Variants in ADGRB3 observed in about 807,000 individuals in gnomAD.
ADGRB3 encodes brain-specific angiogenesis inhibitor 3.
Under a neutral mutation model 193.4 loss-of-function variants are expected in ADGRB3, and 37 were observed. The observed-to-expected ratio is 0.19, with a 90% CI of 0.15 to 0.25. ADGRB3 has a LOEUF of 0.25. ADGRB3 is among the 10% of genes least tolerant of loss of function. The probability of loss-of-function intolerance (pLI) is 1.00; values close to 1 mark genes in which losing one functional copy is unlikely to be tolerated. For missense variants in ADGRB3, 1,637 were observed against 1,852.9 expected, an observed-to-expected ratio of 0.88 and a Z score of 2.14; for synonymous variants, 690 against 644.2, an observed-to-expected ratio of 1.07 and a Z score of -1.08.
At chr6:69,344,419 A>G (rs1327526976) in intron 26 of ADGRB3, among the ~76,000 whole-genome samples, 2 of 152,142 alleles carry the variant, frequency 1.3e-5, no homozygotes, top group South Asian at 2.1e-4. Flanking sequence ...CCTATTTCCT[A>G]TTTAGTCTTA....
intron 10 of ADGRB3, among the ~76,000 whole-genome samples, chr6:68,983,825 TTAAAA>T (rs1313268926): frequency 6.6e-6 from 1 of 152,032 alleles, no homozygotes; most frequent in African/African-American, 2.4e-5. Flanking sequence ...CGACTTCAGA[TTAAAA>T]TAAAATAAAA....
intron 3 of ADGRB3, among the ~76,000 whole-genome samples, chr6:68,785,759 T>G (rs1437630339): frequency 6.6e-6 from 1 of 152,132 alleles, no homozygotes; most frequent in African/African-American, 2.4e-5. Context: ...TTGAAATGGT[T>G]TACAGTCCCA....
At chr6:68,997,548 C>T (rs944427984) in intron 11 of ADGRB3, among the ~76,000 whole-genome samples, 17 of 150,022 alleles carry the variant, frequency 1.1e-4, no homozygotes, top group South Asian at 6.4e-4. Context: ...TCTAGCTACT[C>T]GGGAGCCTGA....
At chr6:69,023,785 C>T (rs16900425) in intron 13 of ADGRB3, among the ~76,000 whole-genome samples, 1 of 151,898 alleles carries the variant, frequency 6.6e-6, no homozygotes, top group East Asian at 1.9e-4. Context: ...ATGCAGGAGA[C>T]AATGAAGACA....
chr6:68,874,584 C>T (rs1159829506), intron 3 of ADGRB3, among the ~76,000 whole-genome samples: 2 of 151,926 alleles, frequency 1.3e-5, no homozygotes, highest in Non-Finnish European at 1.5e-5. Flanking sequence ...TACTAAATAG[C>T]ATTTTTGAAA....
intron 16 of ADGRB3, 60 bp downstream of exon 16, chr6:69,063,096 T>G: frequency 8.0e-7 from 1 of 1,247,320 alleles, no homozygotes. Flanking sequence ...ACAGTCATTC[T>G]TTCAACTGAT....
chr6:69,137,765 C>A lies in ADGRB3; in HGVS notation c.2480+61727C>A, dbSNP rs537487617. On this transcript the variant is annotated intron_variant, in intron 17 of 31. Transcript: ENST00000370598. ...TGGGCCAAGATCACACCACTGTACT[C>A]CAGCCTGGGCGACAGAGCAAGACTC... Among the ~76,000 whole-genome samples the A allele has an allele frequency of 2.4e-4, 36 of 152,190 alleles. 2 individuals carry two copies. Among genetic ancestry groups the A allele is most frequent in the Admixed American group, 2.2e-3 (34 of 15,290 alleles).
chr6:68,954,368 A>G (rs1055593369), intron 6 of ADGRB3, among the ~76,000 whole-genome samples: 1 of 152,174 alleles, frequency 6.6e-6, no homozygotes, highest in African/African-American at 2.4e-5. Context: ...TATTTGAATG[A>G]ATTAATACAT....
chr6:68,645,104 C>T (rs956778761), intron 3 of ADGRB3, among the ~76,000 whole-genome samples: 1 of 151,860 alleles, frequency 6.6e-6, no homozygotes, highest in African/African-American at 2.4e-5. Flanking sequence ...TATGTATTAC[C>T]TATAAAAGCA....
intron 17 of ADGRB3, among the ~76,000 whole-genome samples, chr6:69,155,159 A>C (rs1774799266): frequency 6.6e-6 from 1 of 152,210 alleles, no homozygotes; most frequent in Non-Finnish European, 1.5e-5. Flanking sequence ...AAGGTGACAA[A>C]TTGCCTCATA....
intron 24 of ADGRB3, among the ~76,000 whole-genome samples, chr6:69,333,935 AC>A (rs1428000352): frequency 2.2e-5 from 3 of 136,138 alleles, no homozygotes; most frequent in African/African-American, 8.1e-5. Flanking sequence ...GTCTCAAAAA[AC>A]AAAATAAAAT....
intron 29 of ADGRB3, among the ~76,000 whole-genome samples, chr6:69,366,720 A>G (rs796957869): frequency 8.5e-5 from 13 of 152,208 alleles, no homozygotes; most frequent in African/African-American, 3.1e-4. Context: ...TGTTTAGTCT[A>G]CCTGCTTAAA....
At chr6:69,154,466 G>A (rs314211) in intron 17 of ADGRB3, among the ~76,000 whole-genome samples, 2,611 of 152,124 alleles carry the variant, frequency 0.017, 36 homozygotes, top group Non-Finnish European at 0.029. Context: ...TTGTCATTAC[G>A]GTAGTCAACC....
chr6:68,760,360 G>A (rs1470556877), intron 3 of ADGRB3, among the ~76,000 whole-genome samples: 1 of 152,168 alleles, frequency 6.6e-6, no homozygotes, highest in Non-Finnish European at 1.5e-5. Context: ...GTTGGATAGA[G>A]CTTTTCCTAT....
intron 17 of ADGRB3, among the ~76,000 whole-genome samples, chr6:69,118,810 A>G (rs1773604924): frequency 6.6e-6 from 1 of 152,106 alleles, no homozygotes; most frequent in African/African-American, 2.4e-5. Context: ...AAATGAGTTT[A>G]CCCTATAAAG....
intron 20 of ADGRB3, among the ~76,000 whole-genome samples, chr6:69,239,771 A>G (rs1582569718): frequency 6.6e-6 from 1 of 152,100 alleles, no homozygotes; most frequent in South Asian, 2.1e-4. Context: ...TTTGATACTT[A>G]GCAGAATGGA....
intron 3 of ADGRB3, among the ~76,000 whole-genome samples, chr6:68,711,505 C>A (rs1664528301): frequency 1.3e-5 from 2 of 152,058 alleles, no homozygotes; most frequent in African/African-American, 4.8e-5. Flanking sequence ...GGTTTGCTTT[C>A]TAGTATGCCT....
intron 3 of ADGRB3, among the ~76,000 whole-genome samples, chr6:68,914,043 T>C (rs1405580270): frequency 1.3e-5 from 2 of 151,334 alleles, no homozygotes; most frequent in African/African-American, 2.4e-5. Context: ...TGGGACTATG[T>C]GAAAAGACCA....
intron 17 of ADGRB3, among the ~76,000 whole-genome samples, chr6:69,156,639 G>A (rs1774847660): frequency 6.6e-6 from 1 of 152,166 alleles, no homozygotes; most frequent in African/African-American, 2.4e-5. Flanking sequence ...CAACATGATG[G>A]CTGATTTGTT....
Sources: allele counts gnomAD v4.1 joint callset (sites outside exome capture counted in the v4.1 genomes callset), GRCh38; gene constraint gnomAD v4.1.1; transcripts MANE v1.5; gene names NCBI Gene and HGNC (gene_info 2026-07-23, HGNC 2026-07-21).